Variants in ABL1 observed in about 807,000 individuals in gnomAD.
ABL1 encodes the protein tyrosine-protein kinase ABL1.
A neutral mutation model predicts 94.7 loss-of-function variants in ABL1; 11 were observed. The observed-to-expected ratio is 0.12, with a 90% CI of 0.07 to 0.19. The LOEUF (loss-of-function observed/expected upper bound fraction) is 0.19. Among genes scored for constraint, ABL1 ranks in the 10% least tolerant of loss-of-function variants. The pLI is 1.00. For missense variants in ABL1, 1,082 were observed against 1,489.4 expected (o/e 0.73, Z 4.50); for synonymous variants, 656 against 622.4 (o/e 1.05, Z -0.80).
intron 4 of ABL1, among the ~76,000 whole-genome samples, chr9:130,870,235 G>C (rs1378769283): frequency 1.3e-5 from 2 of 152,230 alleles, no homozygotes; most frequent in African/African-American, 4.8e-5. Flanking sequence ...TTGTGTGTTT[G>C]TGTGTATGTA....
intron 3 of ABL1, among the ~76,000 whole-genome samples, chr9:130,856,008 C>T (rs1830968473): frequency 6.6e-6 from 1 of 152,242 alleles, no homozygotes; most frequent in Admixed American, 6.5e-5. Context: ...CTCTGCTTCC[C>T]ATGCTCAAGT....
chr9:130,738,910 T>C (rs779193561), intron 1 of ABL1, among the ~76,000 whole-genome samples: 3 of 152,136 alleles, frequency 2.0e-5, no homozygotes, highest in Non-Finnish European at 4.4e-5. Context: ...TGAGACAGGG[T>C]CTTGCTCTGT....
intron 1 of ABL1, among the ~76,000 whole-genome samples, chr9:130,727,884 T>C (rs564190658): frequency 1.3e-5 from 2 of 149,958 alleles, no homozygotes; most frequent in East Asian, 2.0e-4. Flanking sequence ...ATAATAAAAA[T>C]AAAAACAAAT....
chr9:130,866,967 T>C (rs1831167463), intron 4 of ABL1, among the ~76,000 whole-genome samples: 1 of 152,226 alleles, frequency 6.6e-6, no homozygotes, highest in Non-Finnish European at 1.5e-5. Context: ...TGTGCCACTG[T>C]GCCCAGCTAA....
In ABL1 at chr9:130,733,115, T is replaced by G. The variant is rs374733977; in HGVS notation, c.136+18660T>G. Among the ~76,000 whole-genome samples the G allele has an allele frequency of 2.6e-5, 4 of 152,328 alleles. No individual in the cohort carries two copies. The East Asian group carries it at 7.7e-4, about 29-fold the overall frequency. The stretch of plus-strand genomic sequence containing the variant: ...GTTTGCTCTTTGGCTTAGTTGGATC[T>G]TGGGTTGGTTTACTTCCTGTACAAA... On this transcript the variant is annotated intron_variant, in intron 1 of 10. Coordinates refer to the ABL1 transcript ENST00000372348.
chr9:130,731,375 T>C (rs1831664873), intron 1 of ABL1, among the ~76,000 whole-genome samples: 2 of 152,170 alleles, frequency 1.3e-5, no homozygotes, highest in Admixed American at 1.3e-4. Context: ...TAATCTTTTA[T>C]GGTTAGTACT....
exon 1 of ABL1, chr9:130,714,092 GAA>G: frequency 2.4e-6 from 1 of 408,320 alleles, no homozygotes; most frequent in Non-Finnish European, 4.3e-6. Context: ...GCAATTACAT[GAA>G]ATTGATAACC....
At chr9:130,860,963 C>T (rs868219719) in intron 3 of ABL1, among the ~76,000 whole-genome samples, 1 of 152,208 alleles carries the variant, frequency 6.6e-6, no homozygotes. Context: ...ATGAAGCTAA[C>T]GGCAGCCCTC....
At chr9:130,726,645 A>T (rs11244113) in intron 1 of ABL1, among the ~76,000 whole-genome samples, 31,862 of 151,700 alleles carry the variant, frequency 0.21, 3,768 homozygotes, top group Middle Eastern at 0.39. Flanking sequence ...ACTTAAAAAA[A>T]TTTTTTTTTG....
At chr9:130,758,622 G>A (rs987932350) in intron 1 of ABL1, among the ~76,000 whole-genome samples, 3 of 152,080 alleles carry the variant, frequency 2.0e-5, no homozygotes, top group African/African-American at 7.2e-5. Context: ...TAGTAGAGAC[G>A]GGGTTTTGCC....
intron 3 of ABL1, among the ~76,000 whole-genome samples, chr9:130,858,955 G>A (rs1156274588): frequency 2.0e-5 from 3 of 152,098 alleles, no homozygotes; most frequent in African/African-American, 7.2e-5. Flanking sequence ...CCAGAGCTGG[G>A]GACTGGGAGT....
At chr9:130,860,879 T>C (rs1415088304) in intron 3 of ABL1, among the ~76,000 whole-genome samples, 1 of 152,162 alleles carries the variant, frequency 6.6e-6, no homozygotes, top group Non-Finnish European at 1.5e-5. Flanking sequence ...CAGGTCCCGC[T>C]CCGTTTTCTT....
At chr9:130,765,963 C>T (rs1284892502) in intron 1 of ABL1, among the ~76,000 whole-genome samples, 3 of 152,154 alleles carry the variant, frequency 2.0e-5, no homozygotes, top group Non-Finnish European at 2.9e-5. Context: ...GTGTTGGTCT[C>T]ATATTTGAGT....
intron 1 of ABL1, among the ~76,000 whole-genome samples, chr9:130,748,769 G>A (rs1448586034): frequency 4.6e-5 from 7 of 151,938 alleles, no homozygotes; most frequent in Admixed American, 2.0e-4. Context: ...TGGAGACGGG[G>A]TTTCGCCATG....
chr9:130,816,532 C>CT (rs539346886), intron 1 of ABL1, among the ~76,000 whole-genome samples: 1,622 of 143,154 alleles, frequency 0.011, 24 homozygotes, highest in African/African-American at 0.033. Flanking sequence ...ACCCATTCCT[C>CT]TTTTTTTTTT....
At chr9:130,883,687 C>T (rs994648385) in intron 10 of ABL1, among the ~76,000 whole-genome samples, 3 of 152,174 alleles carry the variant, frequency 2.0e-5, no homozygotes, top group African/African-American at 7.2e-5. Flanking sequence ...ACCTGTGGCT[C>T]TCCTGCCAGC....
intron 1 of ABL1, among the ~76,000 whole-genome samples, chr9:130,757,761 T>C (rs1832059156): frequency 6.6e-6 from 1 of 151,990 alleles, no homozygotes; most frequent in African/African-American, 2.4e-5. Context: ...CAGGCTAGTC[T>C]CGATCTCCTG....
chr9:130,737,892 A>C (rs867991968), intron 1 of ABL1, among the ~76,000 whole-genome samples: 17 of 148,006 alleles, frequency 1.1e-4, no homozygotes, highest in South Asian at 1.1e-3. Flanking sequence ...GTGCAGTGGC[A>C]CAATCTCGGC....
chr9:130,839,443 A>G (rs1008156448), intron 1 of ABL1, among the ~76,000 whole-genome samples: 18 of 152,344 alleles, frequency 1.2e-4, no homozygotes, highest in African/African-American at 3.4e-4. Flanking sequence ...GTTACCTAAT[A>G]AAAGGCCAGT....
Sources: allele counts gnomAD v4.1 joint callset (sites outside exome capture counted in the v4.1 genomes callset), GRCh38; gene constraint gnomAD v4.1.1; transcripts MANE v1.5; gene names NCBI Gene and HGNC (gene_info 2026-07-23, HGNC 2026-07-21).